BRINP3: variants seen among roughly 807,000 people sequenced by gnomAD.
BRINP3 encodes BMP/retinoic acid-inducible neural-specific protein 3.
BRINP3 carries 19 observed loss-of-function variants against 71.0 expected under a neutral mutation model. That is an observed-to-expected ratio of 0.27 (90% CI 0.19 to 0.39). BRINP3 has a LOEUF of 0.39. Among genes scored for constraint, BRINP3 ranks in the 10% least tolerant of loss-of-function variants. BRINP3 has a pLI of 1.00. For synonymous variants in BRINP3, 380 were observed against 337.7 expected, an observed-to-expected ratio of 1.13 and a Z score of -1.37; for missense variants, 959 against 940.8, an observed-to-expected ratio of 1.02 and a Z score of -0.25.
chr1:190,155,774 C>T lies in BRINP3; in HGVS notation c.1184+4894G>A, dbSNP rs564391827. On this transcript the variant is annotated intron_variant, in intron 7 of 7. Transcript: ENST00000367462. ...TGTTTTAAAAGTATAGCACTTCCCC[C>T]CTAGCTTCCTTTCTCTCTCTCTCCT... Among the ~76,000 whole-genome samples the T allele has an allele frequency of 2.0e-4, 31 of 152,064 alleles. 1 individual carries two copies. In the East Asian group the frequency reaches 4.9e-3, roughly 24 times the overall value.
chr1:190,468,401 G>A (rs1045919687), intron 1 of BRINP3, among the ~76,000 whole-genome samples: 11 of 151,218 alleles, frequency 7.3e-5, no homozygotes, highest in Admixed American at 6.6e-4. Flanking sequence ...AATGACAAAA[G>A]TGATCTTTCA....
intron 6 of BRINP3, among the ~76,000 whole-genome samples, chr1:190,173,397 G>T (rs1652200080): frequency 6.6e-6 from 1 of 152,112 alleles, no homozygotes; most frequent in African/African-American, 2.4e-5. Context: ...GTGTCCTTTG[G>T]AGTAAAATGC....
intron 2 of BRINP3, among the ~76,000 whole-genome samples, chr1:190,445,550 A>T (rs560170455): frequency 5.0e-4 from 75 of 150,324 alleles, no homozygotes; most frequent in South Asian, 2.3e-3. Context: ...ACGCATACAC[A>T]CACGCACGTG....
chr1:190,182,140 T>C (rs546186070), intron 6 of BRINP3, among the ~76,000 whole-genome samples: 96 of 152,248 alleles, frequency 6.3e-4, no homozygotes, highest in Non-Finnish European at 1.1e-3. Context: ...TCAAATATTA[T>C]ACTGTTGTGT....
intron 6 of BRINP3, among the ~76,000 whole-genome samples, chr1:190,191,404 C>T (rs945426648): frequency 2.6e-5 from 4 of 152,050 alleles, no homozygotes; most frequent in African/African-American, 7.2e-5. Context: ...GCTCCCTCCC[C>T]TCACCTCCAC....
rs369748486 is a variant in BRINP3, at chr1:190,434,205, G to A, written c.236+20450C>T. On this transcript the variant is annotated intron_variant, in intron 2 of 7. Transcript: ENST00000367462. Reference sequence around the variant, plus strand: ...CAGATCTCGACTCACTGCAGCCTCCGCCTCCTGGATTCTGCCTCACCAGCC... The same window carrying A: ...CAGATCTCGACTCACTGCAGCCTCCACCTCCTGGATTCTGCCTCACCAGCC... Among the ~76,000 whole-genome samples, 34 of 151,862 alleles carry A rather than the reference G, an allele frequency of 2.2e-4. No individual in the cohort carries two copies. The South Asian group carries it at 7.1e-3, about 32-fold the overall frequency.
Position 190,155,386 on chromosome 1 carries a change from C to T in BRINP3, c.1184+5282G>A, listed in dbSNP as rs112243243. Among the ~76,000 whole-genome samples the T allele has an allele frequency of 5.8e-3, 877 of 152,084 alleles. 4 individuals carry two copies. Among genetic ancestry groups the T allele is most frequent in the Admixed American group, 0.01 (160 of 15,258 alleles). ...CACAACTCTGTGTTCAGTGACATCACATTGGTAGATTGATATTGACTGTGG... is the reference window on the plus strand; with the variant it reads ...CACAACTCTGTGTTCAGTGACATCATATTGGTAGATTGATATTGACTGTGG... On this transcript the variant is annotated intron_variant, in intron 7 of 7. Transcript: ENST00000367462.
intron 5 of BRINP3, among the ~76,000 whole-genome samples, chr1:190,230,393 C>G (rs1657855618): frequency 6.6e-6 from 1 of 151,916 alleles, no homozygotes; most frequent in African/African-American, 2.4e-5. Flanking sequence ...TGCTATTTTG[C>G]TCATGAACTA....
chr1:190,306,500 A>G (rs188137192), intron 2 of BRINP3, among the ~76,000 whole-genome samples: 2 of 152,082 alleles, frequency 1.3e-5, no homozygotes, highest in Admixed American at 1.3e-4. Context: ...AAAACTGTAT[A>G]TTACCTCTTC....
intron 1 of BRINP3, among the ~76,000 whole-genome samples, chr1:190,469,328 A>G (rs916714169): frequency 2.6e-5 from 4 of 151,052 alleles, no homozygotes; most frequent in Non-Finnish European, 6.0e-5. Flanking sequence ...GTCTGGATGA[A>G]TAATAAGAAA....
At chr1:190,106,950 A>G (rs1330080042) in intron 7 of BRINP3, among the ~76,000 whole-genome samples, 1 of 151,960 alleles carries the variant, frequency 6.6e-6, no homozygotes, top group Non-Finnish European at 1.5e-5. Context: ...GGTACAATTT[A>G]GCATCCCTTT....
At chr1:190,434,585 A>AATAT (rs1015135267) in intron 2 of BRINP3, among the ~76,000 whole-genome samples, 1 of 151,648 alleles carries the variant, frequency 6.6e-6, no homozygotes, top group Non-Finnish European at 1.5e-5. Flanking sequence ...GAGAAATTTA[A>AATAT]ATATATATAT....
chr1:190,247,094 T>C (rs1027320386), intron 4 of BRINP3, among the ~76,000 whole-genome samples: 1 of 151,946 alleles, frequency 6.6e-6, no homozygotes, highest in Non-Finnish European at 1.5e-5. Flanking sequence ...AACCGTATTA[T>C]ACATAATCCT....
rs1366098583 is a variant in BRINP3, at chr1:190,325,782, AT to A, written c.237-44033del. On this transcript the variant is annotated intron_variant, in intron 2 of 7. Transcript: ENST00000367462. The stretch of plus-strand genomic sequence containing the variant: ...ATTTGCACTGCCCTTATCCAAAAAT[AT>A]TTTTATCATTTCTGCATGTACATAA... 2.0e-5 allele frequency among the ~76,000 whole-genome samples: 3 copies of A among 152,190 alleles called. 1 individual carries two copies. The highest frequency in any genetic ancestry group is 7.2e-5 in the African/African-American group (3 of 41,566).
chr1:190,258,193 C>T (rs138571197), intron 4 of BRINP3, among the ~76,000 whole-genome samples: 97 of 152,278 alleles, frequency 6.4e-4, no homozygotes, highest in Middle Eastern at 6.8e-3. Flanking sequence ...TCAGCAATGA[C>T]GGACGCCCCT....
At chr1:190,318,852 C>T (rs866467448) in intron 2 of BRINP3, among the ~76,000 whole-genome samples, 2 of 151,926 alleles carry the variant, frequency 1.3e-5, no homozygotes, top group African/African-American at 2.4e-5. Context: ...ATTAATAATG[C>T]GAATAAGTGA....
chr1:190,224,388 G>T (rs1342254379), intron 6 of BRINP3, among the ~76,000 whole-genome samples: 17 of 151,594 alleles, frequency 1.1e-4, no homozygotes, highest in African/African-American at 9.7e-5. Flanking sequence ...TTGGGGAAAA[G>T]AAAATCTTTT....
chr1:190,444,302 G>A (rs1368579779), intron 2 of BRINP3, among the ~76,000 whole-genome samples: 1 of 146,270 alleles, frequency 6.8e-6, no homozygotes, highest in African/African-American at 2.5e-5. Flanking sequence ...AATTTTAATG[G>A]GGTGTGTTTT....
chr1:190,269,274 A>G (rs952458651), intron 3 of BRINP3, among the ~76,000 whole-genome samples: 2 of 152,168 alleles, frequency 1.3e-5, no homozygotes, highest in Non-Finnish European at 2.9e-5. Flanking sequence ...ATTCTATCAA[A>G]GGATAAACTC....
Sources: gnomAD v4.1 joint callset for allele counts (sites outside exome capture counted in the v4.1 genomes callset) on GRCh38, gnomAD v4.1.1 for gene constraint, MANE v1.5 for transcripts, NCBI Gene and HGNC (gene_info 2026-07-23, HGNC 2026-07-21) for gene names.